The following HEATR5B variants were observed in gnomAD, a reference collection of about 807,000 sequenced individuals.
HEATR5B encodes HEAT repeat-containing protein 5B.
Under a neutral mutation model 224.1 loss-of-function variants are expected in HEATR5B, and 156 were observed. The ratio of observed to expected loss-of-function variants is 0.70; its 90% confidence interval spans 0.61 to 0.80. The LOEUF (loss-of-function observed/expected upper bound fraction) is 0.80. HEATR5B is among the 30% of genes least tolerant of loss of function. The pLI is 0.00. For missense variants in HEATR5B, 2,323 were observed against 2,535.5 expected, an observed-to-expected ratio of 0.92 and a Z score of 1.80; for synonymous variants, 1,027 against 893.0, an observed-to-expected ratio of 1.15 and a Z score of -2.68.
chr2:36,981,859 G>C (rs1218590918), intron 35 of HEATR5B, 65 bp from the exon 36 acceptor site: 3 of 1,235,188 alleles, frequency 2.4e-6, no homozygotes, highest in Non-Finnish European at 3.4e-6. Flanking sequence ...TTAAAAACTA[G>C]GCAATTGCCA....
intron 24 of HEATR5B, among the ~76,000 whole-genome samples, chr2:37,025,504 G>A (rs1668714244): frequency 6.7e-6 from 1 of 148,892 alleles, no homozygotes; most frequent in East Asian, 2.0e-4. Flanking sequence ...AGGATGAAAA[G>A]AATCCTGGCT....
chr2:37,066,382 G>A (rs1363971617), intron 8 of HEATR5B, among the ~76,000 whole-genome samples: 1 of 152,152 alleles, frequency 6.6e-6, no homozygotes, highest in African/African-American at 2.4e-5. Flanking sequence ...ACACAATGCT[G>A]CCCATAATAC....
intron 8 of HEATR5B, 140 bp downstream of exon 8, chr2:37,068,541 C>T: frequency 1.2e-6 from 1 of 848,708 alleles, no homozygotes; most frequent in Non-Finnish European, 1.8e-6. Flanking sequence ...ATTTTAATAT[C>T]AAATAAGAGT....
intron 9 of HEATR5B, among the ~76,000 whole-genome samples, chr2:37,065,537 G>A (rs755705546): frequency 3.3e-5 from 5 of 152,008 alleles, no homozygotes; most frequent in Non-Finnish European, 7.4e-5. Flanking sequence ...TTGAACTCCC[G>A]ATCTCAAGTG....
chr2:36,985,517 G>T (rs1195812883), intron 35 of HEATR5B, among the ~76,000 whole-genome samples: 1 of 149,270 alleles, frequency 6.7e-6, no homozygotes, highest in Non-Finnish European at 1.5e-5. Flanking sequence ...GAGTGCAGTG[G>T]TGTGATCTCG....
At chr2:37,081,796 T>C (rs572463967) in intron 2 of HEATR5B, among the ~76,000 whole-genome samples, 7 of 152,114 alleles carry the variant, frequency 4.6e-5, no homozygotes, top group Non-Finnish European at 1.0e-4. Context: ...CATACTGAAC[T>C]TTAAAGTCCC....
At chr2:37,077,327 G>A (rs1393090803) in intron 3 of HEATR5B, among the ~76,000 whole-genome samples, 1 of 151,162 alleles carries the variant, frequency 6.6e-6, no homozygotes, top group Non-Finnish European at 1.5e-5. Flanking sequence ...TTTTTAGGGG[G>A]AGACAAAGTC....
intron 28 of HEATR5B, 70 bp from the exon 29 acceptor site, chr2:37,007,374 C>T (rs1052550614): frequency 3.4e-5 from 48 of 1,411,838 alleles, no homozygotes; most frequent in Admixed American, 1.9e-4. Flanking sequence ...GACCAAGTCT[C>T]GTTCTGTCGC....
At chr2:36,996,939 T>C (rs1572757716) in intron 33 of HEATR5B, among the ~76,000 whole-genome samples, 1 of 151,362 alleles carries the variant, frequency 6.6e-6, no homozygotes, top group African/African-American at 2.4e-5. Context: ...CTGAGGCTGG[T>C]CTCGAACTCC....
In HEATR5B at chr2:37,019,883, A is replaced by T; in HGVS notation, c.4036-6T>A. ...GGTCTTAGAGCAGCTCCCACCTAGA[A>T]AAATAAATAAAGCATTTTATTTTTT... is the stretch of plus-strand genomic sequence containing the variant. On this transcript the variant is annotated splice_region_variant and splice_polypyrimidine_tract_variant and intron_variant, in intron 25 of 35. Coordinates refer to ENST00000233099, the MANE Select transcript of HEATR5B (RefSeq NM_019024.3). 1 of 1,581,606 alleles carries T rather than the reference A, an allele frequency of 6.3e-7. No homozygotes were observed. The highest frequency in any genetic ancestry group is 8.6e-7 in the Non-Finnish European group (1 of 1,157,964).
At chr2:37,036,573 G>A (rs187924170) in intron 21 of HEATR5B, among the ~76,000 whole-genome samples, 7 of 151,428 alleles carry the variant, frequency 4.6e-5, no homozygotes, top group East Asian at 1.9e-4. Context: ...GTGCAATGGC[G>A]CAATCTTGGC....
intron 8 of HEATR5B, among the ~76,000 whole-genome samples, chr2:37,066,316 T>C (rs755683314): frequency 2.0e-5 from 3 of 152,226 alleles, no homozygotes; most frequent in Admixed American, 6.5e-5. Context: ...TGGGCTTACA[T>C]GCCTATTTCA....
chr2:36,982,865 C>T (rs1176758367), intron 35 of HEATR5B, among the ~76,000 whole-genome samples: 1 of 101,316 alleles, frequency 9.9e-6, no homozygotes, highest in African/African-American at 6.6e-5. Flanking sequence ...GACACAGATA[C>T]ACACACACAC....
At position 37,000,668 on chromosome 2, in the gene HEATR5B, G is replaced by C; in HGVS notation, c.5463C>G (p.Ala1821=). 2.5e-6 allele frequency: 4 copies of C among 1,614,184 alleles called. No homozygotes were observed. In the East Asian group the frequency reaches 8.9e-5, roughly 36 times the overall value. The change falls in exon 33 of 36, where the codon GCC becomes GCG. Residue 1821 remains alanine, a synonymous_variant. Coordinates refer to ENST00000233099, the MANE Select transcript of HEATR5B (RefSeq NM_019024.3). ...GIKSIVTLSM[A]KTEAGVQKQW... is the part of the protein sequence containing the mutation. ...GTTTTTGAACGCCAGCCTCAGTTTT[G>C]GCCATTGAAAGTGTCACAATACTTT...
intron 32 of HEATR5B, 82 bp from the exon 33 acceptor site, chr2:37,000,895 T>G: frequency 1.1e-6 from 1 of 941,380 alleles, no homozygotes. Flanking sequence ...ATTTTTTGCA[T>G]TTGATTGTGG....
At position 37,062,901 on chromosome 2, in the gene HEATR5B, C is replaced by A. The variant is rs146440226; in HGVS notation, c.1585-851G>T. On this transcript the variant is annotated intron_variant, in intron 10 of 35. Coordinates refer to ENST00000233099, the MANE Select transcript of HEATR5B (RefSeq NM_019024.3). ...TTCCTGGGCTCAAGGGATCCTCCTACCTCAGCCTCCTGAGTAGGTAGGACT... is the reference window on the plus strand; with the variant it reads ...TTCCTGGGCTCAAGGGATCCTCCTAACTCAGCCTCCTGAGTAGGTAGGACT... 2.9e-4 allele frequency among the ~76,000 whole-genome samples: 44 copies of A among 152,320 alleles called. 1 individual carries two copies. In the East Asian group the frequency reaches 7.5e-3, roughly 26 times the overall value.
Position 37,041,144 on chromosome 2 carries a change from G to T in HEATR5B, c.2845C>A (p.Pro949Thr), listed in dbSNP as rs760728880. The part of the protein sequence containing the change: ...LLALAQDGTS[P>T]EVQTWSLHSL... ...CAATTATATTATACCTGGACTTCAG[G>T]GGATGTCCCATCTTGTGCTAGAGCC... The change falls in exon 19 of 36, where the codon CCT (proline) becomes ACT (threonine). Residue 949 changes from proline (P) to threonine (T), a missense_variant. Pro to Thr is a conservative substitution (Grantham distance 38). Around this residue, in one of 12 missense-constraint regions of HEATR5B, gnomAD observed 44 missense variants for 39.0 expected, o/e 1.13. Coordinates refer to ENST00000233099, the MANE Select transcript of HEATR5B (RefSeq NM_019024.3). 1.5e-5 allele frequency: 25 copies of T among 1,613,168 alleles called. No homozygotes were observed. The highest frequency in any genetic ancestry group is 2.1e-5 in the Non-Finnish European group (25 of 1,179,530).
chr2:37,067,026 C>T (rs982923374), intron 8 of HEATR5B, among the ~76,000 whole-genome samples: 8 of 151,798 alleles, frequency 5.3e-5, no homozygotes, highest in East Asian at 3.9e-4. Context: ...TACGCCACCA[C>T]GCCTGATTAA....
At chr2:37,082,019 C>A (rs1375478808) in intron 2 of HEATR5B, among the ~76,000 whole-genome samples, 1 of 132,556 alleles carries the variant, frequency 7.5e-6, no homozygotes, top group Non-Finnish European at 1.5e-5. Context: ...ATCAGGCAGC[C>A]AAAGATCATC....
Sources: allele counts gnomAD v4.1 joint callset (sites outside exome capture counted in the v4.1 genomes callset), GRCh38; gene constraint gnomAD v4.1.1; regional missense constraint gnomAD v4.1.1; transcripts MANE v1.5; gene names NCBI Gene and HGNC (gene_info 2026-07-23, HGNC 2026-07-21).